Variants in MVB12B observed in about 807,000 individuals in gnomAD.
MVB12B encodes the protein multivesicular body subunit 12B.
A neutral mutation model predicts 41.6 loss-of-function variants in MVB12B; 16 were observed. The ratio of observed to expected loss-of-function variants is 0.38; its 90% confidence interval spans 0.26 to 0.58. The LOEUF is 0.58. Among genes scored for constraint, MVB12B ranks in the 20% least tolerant of loss-of-function variants. MVB12B has a pLI of 0.62. For missense variants in MVB12B, 274 were observed against 380.2 expected (o/e 0.72, Z 2.32); for synonymous variants, 133 against 139.7 (o/e 0.95, Z 0.34).
At chr9:126,433,090 T>G (rs138933572) in intron 7 of MVB12B, among the ~76,000 whole-genome samples, 1 of 152,142 alleles carries the variant, frequency 6.6e-6, no homozygotes, top group East Asian at 1.9e-4. Context: ...GCCTCCTTAC[T>G]TAAAGTTAAA....
chr9:126,370,379 C>CTTTT (rs375770122), intron 2 of MVB12B, among the ~76,000 whole-genome samples: 1 of 131,660 alleles, frequency 7.6e-6, no homozygotes, highest in Non-Finnish European at 1.6e-5. Context: ...GGGAGGGGCT[C>CTTTT]TTTTTTTTTT....
rs990760956 is a variant in MVB12B, at chr9:126,484,042, C to T, written c.873+10C>T. 4 of 1,613,582 alleles carry T rather than the reference C, an allele frequency of 2.5e-6. No homozygotes were observed. The highest frequency in any genetic ancestry group is 2.7e-5 in the African/African-American group (2 of 74,910). On this transcript the variant is annotated intron_variant, in intron 9 of 9. Coordinates refer to ENST00000361171, the MANE Select transcript of MVB12B (RefSeq NM_033446.3). ...AGAAATCGAAAAAGAGGTAAGCAAGCCATCAGGGGAGGGGAGGGCAGGCCT... is the reference window on the plus strand; with the variant it reads ...AGAAATCGAAAAAGAGGTAAGCAAGTCATCAGGGGAGGGGAGGGCAGGCCT...
rs948659606 is a variant in MVB12B at position 126,486,605 on chromosome 9, G to A, written c.873+2573G>A. On this transcript the variant is annotated intron_variant, in intron 9 of 9. Transcript: ENST00000361171. The surrounding 1 kb of genome is among the most constrained non-coding windows in gnomAD (Gnocchi z 4.7). ...GCCATCTCCCCTCCCGTTCTGCTCC[G>A]GCCTGCCTGTGGGCCTAATGGTGGC... 3.3e-5 allele frequency among the ~76,000 whole-genome samples: 5 copies of A among 152,220 alleles called. No homozygotes were observed. Among genetic ancestry groups the A allele is most frequent in the Non-Finnish European group, 7.3e-5 (5 of 68,034 alleles).
intron 2 of MVB12B, among the ~76,000 whole-genome samples, chr9:126,352,589 A>G (rs1829781311): frequency 6.6e-6 from 1 of 152,334 alleles, no homozygotes; most frequent in South Asian, 2.1e-4. Context: ...CAGAAAGAAA[A>G]CCACAGAACT....
At chr9:126,445,269 TA>T (rs1832737971) in intron 7 of MVB12B, among the ~76,000 whole-genome samples, 1 of 152,320 alleles carries the variant, frequency 6.6e-6, no homozygotes, top group Middle Eastern at 3.4e-3. Flanking sequence ...TCCTAAGTTT[TA>T]AATTTTGTTG....
At chr9:126,368,957 T>A (rs1459523939) in intron 2 of MVB12B, among the ~76,000 whole-genome samples, 2 of 152,208 alleles carry the variant, frequency 1.3e-5, no homozygotes, top group African/African-American at 4.8e-5. Context: ...ATATGTCATG[T>A]AGATCTTTCT....
At chr9:126,457,314 G>A (rs370454589) in intron 7 of MVB12B, among the ~76,000 whole-genome samples, 1 of 152,144 alleles carries the variant, frequency 6.6e-6, no homozygotes, top group Non-Finnish European at 1.5e-5. Context: ...TTCAAGGGAG[G>A]TACTGCTTTT....
intron 7 of MVB12B, among the ~76,000 whole-genome samples, chr9:126,475,575 T>C (rs909387264): frequency 6.6e-6 from 1 of 152,250 alleles, no homozygotes; most frequent in African/African-American, 2.4e-5. Flanking sequence ...AGAGTCTTGC[T>C]GGTCCTGGTG....
At chr9:126,419,748 A>T (rs1204178633) in intron 6 of MVB12B, among the ~76,000 whole-genome samples, 3 of 152,064 alleles carry the variant, frequency 2.0e-5, no homozygotes, top group Non-Finnish European at 4.4e-5. Flanking sequence ...GTCTTCCCAG[A>T]CCTGGCCAGT....
chr9:126,337,378 A>G (rs1442506957), intron 1 of MVB12B, among the ~76,000 whole-genome samples: 1 of 152,168 alleles, frequency 6.6e-6, no homozygotes, highest in African/African-American at 2.4e-5. Flanking sequence ...GGGAATGTTG[A>G]ATCTTGAAAC....
intron 3 of MVB12B, among the ~76,000 whole-genome samples, chr9:126,384,026 G>A (rs1312368622): frequency 6.6e-6 from 1 of 151,766 alleles, no homozygotes; most frequent in African/African-American, 2.4e-5. Flanking sequence ...TCCATCTGCG[G>A]GGCAGGAAAA....
chr9:126,407,614 C>T (rs1485009456), intron 6 of MVB12B, among the ~76,000 whole-genome samples: 1 of 152,086 alleles, frequency 6.6e-6, no homozygotes, highest in Non-Finnish European at 1.5e-5. Flanking sequence ...CAGATTGAGA[C>T]TACCCCACCC....
chr9:126,394,798 T>C (rs149190979), intron 5 of MVB12B, among the ~76,000 whole-genome samples: 240 of 152,344 alleles, frequency 1.6e-3, no homozygotes, highest in African/African-American at 5.3e-3. Context: ...TTTTCCATTT[T>C]TTGAAGAGAT....
chr9:126,467,679 T>G lies in MVB12B; in HGVS notation c.758-13690T>G, dbSNP rs965188542. 1.1e-4 allele frequency among the ~76,000 whole-genome samples: 16 copies of G among 152,260 alleles called. 1 individual carries two copies. The highest frequency in any genetic ancestry group is 1.0e-3 in the Admixed American group (16 of 15,290). On this transcript the variant is annotated intron_variant, in intron 7 of 9. Transcript: ENST00000361171. ...ATTCTTACTCATAGTTGTCATTTTT[T>G]ATTTTGATGCTCAAATGGATTCATA...
At position 126,450,746 on chromosome 9, in the gene MVB12B, A is replaced by G. The variant is rs965932765; in HGVS notation, c.757+28798A>G. 3.9e-5 allele frequency among the ~76,000 whole-genome samples: 6 copies of G among 152,362 alleles called. No homozygotes were observed. In the South Asian group the frequency reaches 8.3e-4, roughly 21 times the overall value. ...AGTTAATAGATGCAGAAACCAAGGC[A>G]TAGAGAGCTCAGTCAACTTGCCCAA... On this transcript the variant is annotated intron_variant, in intron 7 of 9. Coordinates refer to ENST00000361171, the MANE Select transcript of MVB12B (RefSeq NM_033446.3).
At chr9:126,443,602 C>T (rs774645565) in intron 7 of MVB12B, among the ~76,000 whole-genome samples, 6 of 152,192 alleles carry the variant, frequency 3.9e-5, no homozygotes, top group Non-Finnish European at 8.8e-5. Flanking sequence ...AACCCCATTA[C>T]CCAGAGAAAC....
At chr9:126,345,801 A>G (rs1829570279) in intron 2 of MVB12B, among the ~76,000 whole-genome samples, 1 of 152,226 alleles carries the variant, frequency 6.6e-6, no homozygotes. Flanking sequence ...TGTTTCTGAA[A>G]TGCCTATACC....
rs1368688340 is a variant in MVB12B at position 126,434,373 on chromosome 9, A to C, written c.757+12425A>C. On this transcript the variant is annotated intron_variant, in intron 7 of 9. Transcript: ENST00000361171. The stretch of plus-strand genomic sequence containing the variant: ...TTGTCTGTAAGACAATGAATGATAC[A>C]GAACTCTCCTCCAAGGTTGAGATCC... Among the ~76,000 whole-genome samples, 5 of 152,368 alleles carry C rather than the reference A, an allele frequency of 3.3e-5. No individual in the cohort carries two copies. In the Middle Eastern group the frequency reaches 0.01, roughly 311 times the overall value.
At chr9:126,364,261 C>G (rs1321046662) in intron 2 of MVB12B, among the ~76,000 whole-genome samples, 2 of 152,218 alleles carry the variant, frequency 1.3e-5, no homozygotes, top group Non-Finnish European at 2.9e-5. Flanking sequence ...CAGTTTATCT[C>G]CTTTCCTTTC....
Sources: allele counts gnomAD v4.1 joint callset (sites outside exome capture counted in the v4.1 genomes callset), GRCh38; gene constraint gnomAD v4.1.1; non-coding constraint Gnocchi (gnomAD v3.1); transcripts MANE v1.5; gene names NCBI Gene and HGNC (gene_info 2026-07-23, HGNC 2026-07-21).